The following GPR26 variants were observed in gnomAD, a reference collection of about 807,000 sequenced individuals.
GPR26 encodes the protein G protein-coupled receptor 26.
In GPR26, 15 loss-of-function variants were observed where a neutral mutation model predicts 23.1. The observed-to-expected ratio is 0.65, with a 90% confidence interval of 0.43 to 1.00. The LOEUF (loss-of-function observed/expected upper bound fraction) is 1.00. GPR26 is among the 50% of genes least tolerant of loss of function. The probability of loss-of-function intolerance (pLI) is 0.00; values close to 1 mark genes in which losing one functional copy is unlikely to be tolerated. For synonymous variants in GPR26, 228 were observed against 222.1 expected, an observed-to-expected ratio of 1.03 and a Z score of -0.24; for missense variants, 359 against 470.5, an observed-to-expected ratio of 0.76 and a Z score of 2.19.
At chr10:123,671,693 C>T (rs1020451502) in intron 1 of GPR26, among the ~76,000 whole-genome samples, 5 of 152,188 alleles carry the variant, frequency 3.3e-5, no homozygotes, top group African/African-American at 7.2e-5. Context: ...AGAATGCCCG[C>T]CACTCAGTGA....
chr10:123,687,742 C>T (rs932213765), intron 2 of GPR26, among the ~76,000 whole-genome samples, 187 bp from the exon 3 acceptor site: 4 of 152,222 alleles, frequency 2.6e-5, no homozygotes, highest in Non-Finnish European at 4.4e-5. Context: ...AAAATACAGC[C>T]TGATGAATGT....
At chr10:123,677,879 C>T (rs903129495) in intron 2 of GPR26, among the ~76,000 whole-genome samples, 4 of 152,266 alleles carry the variant, frequency 2.6e-5, no homozygotes, top group Admixed American at 2.6e-4. Context: ...ATGGCCTGTC[C>T]AGATAGATAT....
At chr10:123,687,670 GT>G (rs11342290) in intron 2 of GPR26, among the ~76,000 whole-genome samples, 150,184 of 152,330 alleles carry the variant, frequency 0.99, 74,063 homozygotes, top group East Asian at 1. Context: ...AACAGAGATG[GT>G]CATATCTCCC....
chr10:123,669,513 A>G (rs1914000), intron 1 of GPR26, among the ~76,000 whole-genome samples: 110,987 of 152,174 alleles, frequency 0.73, 41,173 homozygotes, highest in Non-Finnish European at 0.81. Flanking sequence ...TGTAGGACCC[A>G]GGAGTGCTGG....
intron 1 of GPR26, among the ~76,000 whole-genome samples, chr10:123,670,862 T>C (rs1845241910): frequency 6.6e-6 from 1 of 152,226 alleles, no homozygotes; most frequent in Non-Finnish European, 1.5e-5. Flanking sequence ...TTTAGGCATT[T>C]AGAGCTTGGT....
Position 123,693,388 on chromosome 10 carries a change from G to A in GPR26, c.*5228G>A, listed in dbSNP as rs1286957895. Reference sequence around the variant, plus strand: ...ACCCAGCATTTCCCCTGGCACCAAAGTGGACCTCTTTGCACCTTGCAGCCG... The same window carrying A: ...ACCCAGCATTTCCCCTGGCACCAAAATGGACCTCTTTGCACCTTGCAGCCG... On this transcript the variant is annotated 3_prime_UTR_variant, in exon 3 of 3. Coordinates refer to ENST00000284674, the MANE Select transcript of GPR26 (RefSeq NM_153442.4). 3 of 152,276 alleles carry A rather than the reference G, an allele frequency of 2.0e-5. No individual in the cohort carries two copies. Among genetic ancestry groups the A allele is most frequent in the African/African-American group, 4.8e-5 (2 of 41,438 alleles). 9.4% of individuals were successfully genotyped at this position (152,276 alleles called of 1,614,324 possible). A position where few individuals can be genotyped will look rare whatever the true frequency, so the allele number is the denominator to read the frequency against.
Position 123,674,983 on chromosome 10 carries a change from C to T in GPR26, c.782+52C>T. 2.6e-6 allele frequency: 3 copies of T among 1,138,318 alleles called. No individual in the cohort carries two copies. In the South Asian group the frequency reaches 3.9e-5, roughly 15 times the overall value. The allele number at this position is 1,138,318 out of a possible 1,614,324, so 70.5% of individuals were successfully genotyped here. ...GGGACTTTGAAGAGTAAGGCAGGGC[C>T]CAGTGACCTTTAGCAGTGGCAGCCT... On this transcript the variant is annotated intron_variant, in intron 2 of 2. Coordinates refer to ENST00000284674, the MANE Select transcript of GPR26 (RefSeq NM_153442.4). This position sits in a 1 kb window ranked among gnomAD's most constrained non-coding sequence, Gnocchi z 4.1.
At chr10:123,676,713 CGTGGCAG>C (rs1845314793) in intron 2 of GPR26, among the ~76,000 whole-genome samples, 1 of 152,298 alleles carries the variant, frequency 6.6e-6, no homozygotes, top group Admixed American at 6.5e-5. Flanking sequence ...CTAAGTGAGG[CGTGGCAG>C]AGGACTTAGC....
chr10:123,673,753 G>A (rs1029541377), intron 1 of GPR26, among the ~76,000 whole-genome samples: 3 of 152,180 alleles, frequency 2.0e-5, no homozygotes, highest in African/African-American at 7.2e-5. Flanking sequence ...TGGAGGAAAG[G>A]AAGCCTCATG....
rs1845543908 is a variant in GPR26 at position 123,696,376 on chromosome 10, T to C, written c.*8216T>C. ...CTGAACACCAATTCTTTACATTCCT[T>C]GAATTTTCATAGATTCTATTTTTTT... is the stretch of plus-strand genomic sequence containing the variant. On this transcript the variant is annotated 3_prime_UTR_variant, in exon 3 of 3. Transcript: ENST00000284674. Among the ~76,000 whole-genome samples the C allele has an allele frequency of 6.6e-6, 1 of 152,124 alleles. No individual in the cohort carries two copies. The highest frequency in any genetic ancestry group is 1.5e-5 in the Non-Finnish European group (1 of 68,018).
At chr10:123,687,819 G>C in intron 2 of GPR26, 110 bp from the exon 3 acceptor site, 1 of 676,968 alleles carries the variant, frequency 1.5e-6, no homozygotes, top group Non-Finnish European at 2.6e-6. Context: ...ATAAATTGAG[G>C]GTTGGGCTGC....
chr10:123,691,957 A>G lies in GPR26; in HGVS notation c.*3797A>G, dbSNP rs886614840. ...ACTCTATAGAAAATTGAGTGTTTCTATTAATAACTATCTAGGTTTCAATTG... is the reference window on the plus strand; with the variant it reads ...ACTCTATAGAAAATTGAGTGTTTCTGTTAATAACTATCTAGGTTTCAATTG... On this transcript the variant is annotated 3_prime_UTR_variant, in exon 3 of 3. Coordinates refer to ENST00000284674, the MANE Select transcript of GPR26 (RefSeq NM_153442.4). 6.6e-6 allele frequency: 1 copy of G among 152,228 alleles called. No homozygotes were observed. Among genetic ancestry groups the G allele is most frequent in the Non-Finnish European group, 1.5e-5 (1 of 68,038 alleles). The allele number at this position is 152,228 out of a possible 1,614,324, so 9.4% of individuals were successfully genotyped here. A position where few individuals can be genotyped will look rare whatever the true frequency, so the allele number is the denominator to read the frequency against.
At chr10:123,675,833 C>CGTGTGTGTGTGTGTGTGTGTGTGT (rs56201657) in intron 2 of GPR26, among the ~76,000 whole-genome samples, 2,310 of 134,066 alleles carry the variant, frequency 0.017, 64 homozygotes, top group Non-Finnish European at 0.02. Flanking sequence ...TGTGTGTGTA[C>CGTGTGTGTGTGTGTGTGTGTGTGT]GTGTGTGTGT....
chr10:123,668,678 G>C (rs1431160061), intron 1 of GPR26, among the ~76,000 whole-genome samples: 1 of 152,224 alleles, frequency 6.6e-6, no homozygotes. Flanking sequence ...TCAGAGCTGA[G>C]AGGCTCTTCC....
chr10:123,669,733 G>A (rs1321971030), intron 1 of GPR26, among the ~76,000 whole-genome samples: 1 of 152,198 alleles, frequency 6.6e-6, no homozygotes, highest in African/African-American at 2.4e-5. Flanking sequence ...GGCACCATAA[G>A]TAGCAGTCCT....
At chr10:123,673,921 C>T (rs112453612) in intron 1 of GPR26, among the ~76,000 whole-genome samples, 1 of 150,046 alleles carries the variant, frequency 6.7e-6, no homozygotes, top group African/African-American at 2.5e-5. Flanking sequence ...CTTCCTCTTC[C>T]TCTTCTTCTT....
At chr10:123,670,737 G>T (rs187434253) in intron 1 of GPR26, among the ~76,000 whole-genome samples, 2 of 152,310 alleles carry the variant, frequency 1.3e-5, no homozygotes, top group East Asian at 3.9e-4. Flanking sequence ...CACCCCTCAG[G>T]CGTCTAGCTG....
chr10:123,680,832 G>T (rs1357430427), intron 2 of GPR26, among the ~76,000 whole-genome samples: 1 of 128,462 alleles, frequency 7.8e-6, no homozygotes, highest in Non-Finnish European at 1.7e-5. Flanking sequence ...TTTTTTGGGG[G>T]GGGGGGTTGT....
In GPR26 at chr10:123,669,755, T is replaced by C. The variant is rs1188063680; in HGVS notation, c.668+2680T>C. Among the ~76,000 whole-genome samples, 7 of 152,336 alleles carry C rather than the reference T, an allele frequency of 4.6e-5. No individual in the cohort carries two copies. In the East Asian group the frequency reaches 1.4e-3, roughly 29 times the overall value. ...TAAGTAGCAGTCCTCACCACTTTGC[T>C]TCAGCCACCTCCAAAATACCCGGGA... is the stretch of plus-strand genomic sequence containing the variant. On this transcript the variant is annotated intron_variant, in intron 1 of 2. Transcript: ENST00000284674.
Sources: gnomAD v4.1 joint callset for allele counts (sites outside exome capture counted in the v4.1 genomes callset) on GRCh38, gnomAD v4.1.1 for gene constraint, Gnocchi (gnomAD v3.1) non-coding constraint, MANE v1.5 for transcripts, NCBI Gene and HGNC (gene_info 2026-07-23, HGNC 2026-07-21) for gene names.